Variants in ZSCAN31 observed in about 807,000 individuals in gnomAD.
The protein encoded by ZSCAN31 is zinc finger and SCAN domain-containing protein 31.
In ZSCAN31, 14 loss-of-function variants were observed where a neutral mutation model predicts 22.5. That is an observed-to-expected ratio of 0.62 (90% confidence interval 0.41 to 0.97). The LOEUF (loss-of-function observed/expected upper bound fraction) is 0.97. ZSCAN31 is among the 50% of genes least tolerant of loss of function. The pLI is 0.00. For missense variants in ZSCAN31, 424 were observed against 483.4 expected (o/e 0.88, Z 1.15); for synonymous variants, 168 against 169.8 (o/e 0.99, Z 0.08).
At chr6:28,326,999 G>C in intron 3 of ZSCAN31, 145 bp from the exon 4 acceptor site, 1 of 835,416 alleles carries the variant, frequency 1.2e-6, no homozygotes, top group South Asian at 1.8e-5. Flanking sequence ...GGGTTAAACA[G>C]GGATGTTTAG....
Position 28,326,783 on chromosome 6 carries a change from C to G in ZSCAN31, c.604G>C (p.Gly202Arg). Residue 202 changes from glycine to arginine, a missense_variant, in exon 4 of 4, where the codon GGG (glycine) becomes CGG (arginine). Gly to Arg is a moderately radical substitution (Grantham distance 125). Coordinates refer to ENST00000344279, the MANE Select transcript of ZSCAN31 (RefSeq NM_030899.5). ...ACATCTCTTTGGAGTTTGCTATCCC[C>G]CAAATGTTCCATTTCTTTTAAGATT... ...QEILKEMEHL[G>R]DSKLQRDVSL... is the part of the protein sequence containing the mutation. 2 of 1,613,692 alleles carry G rather than the reference C, an allele frequency of 1.2e-6. No homozygotes were observed. Among genetic ancestry groups the G allele is most frequent in the Non-Finnish European group, 8.5e-7 (1 of 1,180,032 alleles).
intron 2 of ZSCAN31, among the ~76,000 whole-genome samples, chr6:28,328,534 C>T (rs1763487380): frequency 1.3e-5 from 2 of 152,224 alleles, no homozygotes; most frequent in South Asian, 4.1e-4. Context: ...TTAAGGTTAT[C>T]TCTCTTATTC....
chr6:28,329,544 T>C lies in ZSCAN31; in HGVS notation c.140A>G (p.Tyr47Cys), dbSNP rs769790887. The C allele has an allele frequency of 5.0e-6, 8 of 1,614,226 alleles. No homozygotes were observed. The East Asian group carries it at 1.8e-4, about 36-fold the overall frequency. Residue 47 changes from tyrosine (Y) to cysteine (C), a missense_variant, in exon 2 of 4, where the codon TAC (tyrosine) becomes TGC (cysteine). By Grantham distance (194) the Tyr-to-Cys change is radical. Coordinates refer to ENST00000344279, the MANE Select transcript of ZSCAN31 (RefSeq NM_030899.5). ...TTCTCGGGGACCAGGAGTCTCTTGG[T>C]AACAAAACTGCCTAAAAAGTTGTCG... ...ASRQLFRQFC[Y>C]QETPGPREAL...
chr6:28,328,392 ACC>A (rs1294143275), intron 2 of ZSCAN31, among the ~76,000 whole-genome samples: 2 of 152,102 alleles, frequency 1.3e-5, no homozygotes, highest in Non-Finnish European at 2.9e-5. Flanking sequence ...TCAGAGACCT[ACC>A]CCCAGGCGCA....
rs755629323 is a variant in ZSCAN31 at position 28,329,447 on chromosome 6, C to A, written c.237G>T (p.Leu79Phe). 212 of 1,614,072 alleles carry A rather than the reference C, an allele frequency of 1.3e-4. 1 individual carries two copies. Among genetic ancestry groups the A allele is most frequent in the Non-Finnish European group, 1.7e-4 (197 of 1,180,030 alleles). Residue 79 changes from leucine (L) to phenylalanine (F), a missense_variant, in exon 2 of 4, where the codon TTG becomes TTT. Leu to Phe is a conservative substitution (Grantham distance 22). Coordinates refer to ENST00000344279, the MANE Select transcript of ZSCAN31 (RefSeq NM_030899.5). ...GGAATTGCTCCAGCACCAGCAGCTC[C>A]AAGATTTGCTCTTTGGTGTGGATTT... ...RPEIHTKEQI[L>F]ELLVLEQFLT...
rs1475281311 is a variant in ZSCAN31 at position 28,343,888 on chromosome 6, T to C, written c.-370-2096A>G. On this transcript the variant is annotated intron_variant, in intron 2 of 7. Coordinates refer to the ZSCAN31 transcript ENST00000396838. ...ACCTCAGGTATATAATGTGTAGTCATTGATTTGGTAAATGCATTCTTTTCC... is the reference window on the plus strand; with the variant it reads ...ACCTCAGGTATATAATGTGTAGTCACTGATTTGGTAAATGCATTCTTTTCC... Among the ~76,000 whole-genome samples, 2 of 152,142 alleles carry C rather than the reference T, an allele frequency of 1.3e-5. 1 individual carries two copies. Among genetic ancestry groups the C allele is most frequent in the Admixed American group, 1.3e-4 (2 of 15,278 alleles).
chr6:28,334,704 G>A (rs1284613644), intron 1 of ZSCAN31, among the ~76,000 whole-genome samples: 1 of 152,178 alleles, frequency 6.6e-6, no homozygotes, highest in East Asian at 1.9e-4. Flanking sequence ...AATTGCCCTA[G>A]GTTAAGACTC....
At chr6:28,327,354 C>G (rs758973127) in intron 3 of ZSCAN31, 29 bp downstream of exon 3, 1 of 1,613,220 alleles carries the variant, frequency 6.2e-7, no homozygotes, top group Admixed American at 1.7e-5. Flanking sequence ...CACCAGAGAT[C>G]TCCTGAAGGG....
chr6:28,338,349 C>T (rs937462721), upstream of ZSCAN31, among the ~76,000 whole-genome samples: 6 of 152,170 alleles, frequency 3.9e-5, no homozygotes, highest in Admixed American at 3.3e-4. Flanking sequence ...TGCCACTGCA[C>T]TCCAGCGTGG....
At chr6:28,354,305 G>A, upstream of ZSCAN31, 2 of 221,960 alleles carry the variant, frequency 9.0e-6, no homozygotes, top group South Asian at 1.4e-4. Context: ...CAAGTGGAGT[G>A]GTGCGCCTGC....
chr6:28,336,875 G>C (rs1259665160), upstream of ZSCAN31: 1 of 152,224 alleles, frequency 6.6e-6, no homozygotes, highest in African/African-American at 2.4e-5. Context: ...AGAATACAGA[G>C]TTGTTTTTGT....
chr6:28,344,760 T>C (rs1192982263), intron 2 of ZSCAN31, among the ~76,000 whole-genome samples: 1 of 152,124 alleles, frequency 6.6e-6, no homozygotes, highest in Admixed American at 6.6e-5. Flanking sequence ...TTAGTTATCT[T>C]TGTGGCTACA....
At chr6:28,346,149 C>T (rs571782299) in intron 2 of ZSCAN31, among the ~76,000 whole-genome samples, 32 of 152,172 alleles carry the variant, frequency 2.1e-4, no homozygotes, top group African/African-American at 7.7e-4. Flanking sequence ...AGGGCTGCCA[C>T]ACAGATTTTT....
At chr6:28,336,919 C>A (rs1764202418), upstream of ZSCAN31, 1 of 151,528 alleles carries the variant, frequency 6.6e-6, no homozygotes, top group African/African-American at 2.4e-5. Context: ...TACACTCAAA[C>A]CTCTGTCTTC....
chr6:28,326,260 T>C lies in ZSCAN31; in HGVS notation c.1127A>G (p.Glu376Gly). The C allele has an allele frequency of 6.2e-7, 1 of 1,614,198 alleles. No homozygotes were observed. Among genetic ancestry groups the C allele is most frequent in the African/African-American group, 1.3e-5 (1 of 75,040 alleles). Residue 376 changes from glutamate (E) to glycine (G), a missense_variant, in exon 4 of 4, where the codon GAG (glutamate) becomes GGG (glycine). Physicochemically the swap from Glu to Gly is moderately conservative, Grantham distance 98 (BLOSUM62 -2). Transcript: ENST00000344279. ...LFQHLRVHTG[E>G]KPYQCSQCSK... ...GCACTGACTGCACTGATAGGGTTTC[T>C]CACCAGTGTGGACTCGGAGATGCTG...
rs2394050 is a variant in ZSCAN31 at position 28,326,292 on chromosome 6, C to A, written c.1095G>T (p.Gly365=). 6.2e-7 allele frequency: 1 copy of A among 1,613,186 alleles called. No individual in the cohort carries two copies. The highest frequency in any genetic ancestry group is 2.2e-5 in the East Asian group (1 of 44,818). The change falls in exon 4 of 4, where the codon GGG becomes GGT. Residue 365 remains glycine, a synonymous_variant. Transcript: ENST00000344279. Reference sequence around the variant, plus strand: ...TGTGGACTCGGAGATGCTGGAAAAGCCCTGCATTCTGAATGAAGGCTTTGC... The same window carrying A: ...TGTGGACTCGGAGATGCTGGAAAAGACCTGCATTCTGAATGAAGGCTTTGC... ...ECGKAFIQNA[G]LFQHLRVHTG...
At chr6:28,353,032 G>A (rs1170496788) in intron 2 of ZSCAN31, among the ~76,000 whole-genome samples, 8 of 149,342 alleles carry the variant, frequency 5.4e-5, no homozygotes, top group Admixed American at 6.7e-5. Flanking sequence ...GCAGTGGTGC[G>A]ATCTTGGCTC....
intron 2 of ZSCAN31, chr6:28,350,104 G>GTGTA (rs1764878450): frequency 6.6e-6 from 1 of 152,460 alleles, no homozygotes; most frequent in Non-Finnish European, 1.5e-5. Flanking sequence ...GTGTGTGTGT[G>GTGTA]TGTGTGTTTG....
intron 2 of ZSCAN31, among the ~76,000 whole-genome samples, chr6:28,350,683 A>C (rs906702954): frequency 3.3e-5 from 5 of 152,178 alleles, no homozygotes; most frequent in Non-Finnish European, 7.3e-5. Context: ...CTATGATGAC[A>C]CATTAGTGAC....
Sources: allele counts gnomAD v4.1 joint callset (sites outside exome capture counted in the v4.1 genomes callset), GRCh38; gene constraint gnomAD v4.1.1; transcripts MANE v1.5; gene names NCBI Gene and HGNC (gene_info 2026-07-23, HGNC 2026-07-21).